Variants in EMC2 observed in about 807,000 individuals in gnomAD.
EMC2 encodes the protein ER membrane protein complex subunit 2, also known as TPR repeat protein 35.
In EMC2, 37 loss-of-function variants were observed where a neutral mutation model predicts 51.6. The observed-to-expected ratio is 0.72, with a 90% confidence interval of 0.55 to 0.94. EMC2 has a LOEUF of 0.94. Among genes scored for constraint, EMC2 ranks in the 40% least tolerant of loss-of-function variants. EMC2 has a pLI of 0.00. For synonymous variants in EMC2, 131 were observed against 112.4 expected (o/e 1.17, Z -1.04); for missense variants, 359 against 350.9 (o/e 1.02, Z -0.18).
intron 5 of EMC2, among the ~76,000 whole-genome samples, chr8:108,458,835 A>T (rs934836667): frequency 2.6e-5 from 4 of 152,174 alleles, no homozygotes; most frequent in Admixed American, 6.5e-5. Context: ...AGCTGGCTTG[A>T]ATTTCTTCTC....
At chr8:108,457,569 C>A (rs572910423) in intron 5 of EMC2, among the ~76,000 whole-genome samples, 1 of 152,198 alleles carries the variant, frequency 6.6e-6, no homozygotes, top group Non-Finnish European at 1.5e-5. Flanking sequence ...TGACAGCAGG[C>A]AAAGAGAGCT....
At chr8:108,457,048 A>T (rs765156742) in intron 5 of EMC2, among the ~76,000 whole-genome samples, 1 of 152,194 alleles carries the variant, frequency 6.6e-6, no homozygotes, top group Non-Finnish European at 1.5e-5. Context: ...AGATTTTAAG[A>T]TGTAAAATGC....
chr8:108,481,623 G>GA (rs1403257313), intron 10 of EMC2, among the ~76,000 whole-genome samples: 1 of 151,982 alleles, frequency 6.6e-6, no homozygotes, highest in African/African-American at 2.4e-5. Context: ...AATTATAACA[G>GA]AAAAAAGGAT....
intron 5 of EMC2, among the ~76,000 whole-genome samples, chr8:108,467,984 G>A (rs1810762695): frequency 6.6e-6 from 1 of 152,102 alleles, no homozygotes; most frequent in Admixed American, 6.6e-5. Flanking sequence ...GTATTACTGA[G>A]GTTTGTAGAG....
chr8:108,488,086 C>T lies in EMC2; in HGVS notation c.*1488C>T, dbSNP rs950803871. On this transcript the variant is annotated 3_prime_UTR_variant, in exon 11 of 11. Transcript: ENST00000220853. Reference sequence around the variant, plus strand: ...CTTCAAACCTCCTCCCCGTCAGTCACTGGATTAGTGTTTACTCTAGCAATT... The same window carrying T: ...CTTCAAACCTCCTCCCCGTCAGTCATTGGATTAGTGTTTACTCTAGCAATT... Among the ~76,000 whole-genome samples the T allele has an allele frequency of 6.6e-6, 1 of 151,986 alleles. No individual in the cohort carries two copies. Among genetic ancestry groups the T allele is most frequent in the Non-Finnish European group, 1.5e-5 (1 of 67,998 alleles).
chr8:108,465,333 C>A (rs975903033), intron 5 of EMC2, among the ~76,000 whole-genome samples: 42 of 152,160 alleles, frequency 2.8e-4, no homozygotes, highest in African/African-American at 1.0e-3. Flanking sequence ...AGCCACCTTC[C>A]CTTTGATTGT....
chr8:108,484,976 C>T (rs1811108427), intron 10 of EMC2, among the ~76,000 whole-genome samples: 1 of 151,896 alleles, frequency 6.6e-6, no homozygotes, highest in African/African-American at 2.4e-5. Context: ...TTATGAGAAG[C>T]TTTTTTTCTT....
At chr8:108,482,636 G>A (rs1811063959) in intron 10 of EMC2, among the ~76,000 whole-genome samples, 1 of 151,862 alleles carries the variant, frequency 6.6e-6, no homozygotes, top group South Asian at 2.1e-4. Flanking sequence ...CCAGGCTGGA[G>A]TGCAGTGGCA....
At position 108,488,356 on chromosome 8, in the gene EMC2, C is replaced by T. The variant is rs1811181102; in HGVS notation, c.*1758C>T. On this transcript the variant is annotated 3_prime_UTR_variant, in exon 11 of 11. Transcript: ENST00000220853. ...TGTATTTTTAGTAGAGATGGGGTTT[C>T]ACCATGTTGGCCAGGCTGGTCTGAA... Among the ~76,000 whole-genome samples the T allele has an allele frequency of 6.6e-6, 1 of 151,920 alleles. No individual in the cohort carries two copies. Among genetic ancestry groups the T allele is most frequent in the East Asian group, 1.9e-4 (1 of 5,168 alleles).
intron 4 of EMC2, among the ~76,000 whole-genome samples, chr8:108,454,220 A>G (rs1388982459): frequency 1.3e-5 from 2 of 152,122 alleles, no homozygotes; most frequent in Non-Finnish European, 2.9e-5. Context: ...GTGATGATTA[A>G]TAAAGTTGTT....
chr8:108,464,172 A>G (rs1238466786), intron 5 of EMC2: 1 of 152,238 alleles, frequency 6.6e-6, no homozygotes, highest in Non-Finnish European at 1.5e-5. Flanking sequence ...ACACTCAGCC[A>G]GTTCCCCCAC....
chr8:108,445,588 C>G (rs919678928), intron 1 of EMC2, among the ~76,000 whole-genome samples: 1 of 151,766 alleles, frequency 6.6e-6, no homozygotes, highest in Non-Finnish European at 1.5e-5. Context: ...TCCTCATCCC[C>G]CACCAAAATT....
intron 5 of EMC2, among the ~76,000 whole-genome samples, chr8:108,456,359 A>AAAAAAAAC (rs1819158373): frequency 6.7e-6 from 1 of 149,956 alleles, no homozygotes; most frequent in African/African-American, 2.5e-5. Context: ...AAAAAAAAAA[A>AAAAAAAAC]AACAACTTCT....
At chr8:108,457,304 G>A (rs1819189447) in intron 5 of EMC2, among the ~76,000 whole-genome samples, 1 of 150,684 alleles carries the variant, frequency 6.6e-6, no homozygotes. Flanking sequence ...GTGTGTGGGG[G>A]TTTGTGTAGG....
At chr8:108,477,495 A>C (rs1810968376) in intron 9 of EMC2, among the ~76,000 whole-genome samples, 1 of 152,050 alleles carries the variant, frequency 6.6e-6, no homozygotes, top group South Asian at 2.1e-4. Flanking sequence ...AAACGCTGGG[A>C]GAAATAAACT....
intron 10 of EMC2, among the ~76,000 whole-genome samples, chr8:108,480,798 C>G (rs985410259): frequency 2.0e-5 from 3 of 152,038 alleles, no homozygotes; most frequent in Non-Finnish European, 4.4e-5. Flanking sequence ...TTTTGTCCTT[C>G]TGGAAGAGGA....
chr8:108,450,084 A>G, intron 2 of EMC2, 148 bp downstream of exon 2: 1 of 524,814 alleles, frequency 1.9e-6, no homozygotes, highest in East Asian at 3.2e-5. Flanking sequence ...ATGATAGTTT[A>G]TTTTGAGAAG....
intron 5 of EMC2, among the ~76,000 whole-genome samples, chr8:108,459,727 T>G (rs62540840): frequency 3.9e-5 from 2 of 51,266 alleles, no homozygotes; most frequent in Non-Finnish European, 3.9e-5. Context: ...AGAGAGTGTG[T>G]GTGTGTGTGT....
chr8:108,461,290 C>G (rs940342075), intron 5 of EMC2, among the ~76,000 whole-genome samples: 1 of 152,134 alleles, frequency 6.6e-6, no homozygotes, highest in Non-Finnish European at 1.5e-5. Flanking sequence ...GCTGTACTTC[C>G]TATTCACATG....
Sources: gnomAD v4.1 joint callset for allele counts (sites outside exome capture counted in the v4.1 genomes callset) on GRCh38, gnomAD v4.1.1 for gene constraint, MANE v1.5 for transcripts, NCBI Gene and HGNC (gene_info 2026-07-23, HGNC 2026-07-21) for gene names.